Variants in SPAG17 observed in about 807,000 individuals in gnomAD.
The protein encoded by SPAG17 is sperm associated antigen 17.
In SPAG17, 169 loss-of-function variants were observed where a neutral mutation model predicts 273.6. The ratio of observed to expected loss-of-function variants is 0.62; its 90% CI spans 0.55 to 0.70. The LOEUF is 0.70. Among genes scored for constraint, SPAG17 ranks in the 30% least tolerant of loss-of-function variants. The pLI is 0.00. For missense variants in SPAG17, 2,557 were observed against 2,627.8 expected (o/e 0.97, Z 0.59); for synonymous variants, 825 against 873.2 (o/e 0.94, Z 0.97).
chr1:118,044,683 T>C (rs1400898583), intron 20 of SPAG17, among the ~76,000 whole-genome samples: 4 of 152,146 alleles, frequency 2.6e-5, no homozygotes, highest in East Asian at 1.9e-4. Context: ...TGGGAGGTGA[T>C]TGGATCATGG....
At position 118,025,421 on chromosome 1, in the gene SPAG17, A is replaced by C; in HGVS notation, c.3731-5T>G. The stretch of plus-strand genomic sequence containing the variant: ...CCTCATCTATAACATATTGACCTAA[A>C]AAAAGAATAAAGCCTTCTTGTGAAC... On this transcript the variant is annotated splice_region_variant and splice_polypyrimidine_tract_variant and intron_variant, in intron 26 of 48. Coordinates refer to ENST00000336338, the MANE Select transcript of SPAG17 (RefSeq NM_206996.4). The C allele has an allele frequency of 6.6e-7, 1 of 1,522,600 alleles. No homozygotes were observed. The highest frequency in any genetic ancestry group is 1.3e-5 in the South Asian group (1 of 75,924). 94.3% of individuals were successfully genotyped at this position (1,522,600 alleles called of 1,614,324 possible).
At chr1:118,165,856 G>C (rs1660149580) in intron 1 of SPAG17, among the ~76,000 whole-genome samples, 1 of 151,928 alleles carries the variant, frequency 6.6e-6, no homozygotes, top group African/African-American at 2.4e-5. Flanking sequence ...TGTTAGCCAG[G>C]ATGGTCTCAA....
intron 18 of SPAG17, among the ~76,000 whole-genome samples, chr1:118,065,305 C>T (rs1652838031): frequency 6.6e-6 from 1 of 151,964 alleles, no homozygotes; most frequent in Admixed American, 6.6e-5. Flanking sequence ...TGATAGAAGT[C>T]GTGTCAGTAA....
At chr1:118,009,345 G>A (rs1206203483) in intron 30 of SPAG17, among the ~76,000 whole-genome samples, 1 of 150,456 alleles carries the variant, frequency 6.6e-6, no homozygotes, top group Non-Finnish European at 1.5e-5. Context: ...CTATGTATAT[G>A]GATATCAAAA....
chr1:118,057,038 T>C (rs1651769915), intron 18 of SPAG17, among the ~76,000 whole-genome samples: 1 of 151,638 alleles, frequency 6.6e-6, no homozygotes. Flanking sequence ...GCAGTGGCGC[T>C]ACCACTTGGT....
intron 3 of SPAG17, among the ~76,000 whole-genome samples, chr1:118,135,385 G>T (rs1658287484): frequency 6.6e-6 from 1 of 150,500 alleles, no homozygotes; most frequent in Non-Finnish European, 1.5e-5. Context: ...GTGTGTGTGT[G>T]TGTGTGTGTG....
chr1:118,139,135 A>T (rs149267081), intron 3 of SPAG17, among the ~76,000 whole-genome samples: 263 of 152,324 alleles, frequency 1.7e-3, no homozygotes, highest in African/African-American at 4.8e-3. Context: ...AAATTTAAAA[A>T]AAATGGGCAA....
At chr1:118,115,544 C>T (rs914973880) in intron 3 of SPAG17, 103 bp from the exon 4 acceptor site, 7 of 1,195,872 alleles carry the variant, frequency 5.9e-6, no homozygotes, top group African/African-American at 1.6e-5. Flanking sequence ...ATTTGTCATA[C>T]TGGAAAGATA....
intron 42 of SPAG17, 68 bp from the exon 43 acceptor site, chr1:117,981,469 G>T: frequency 6.8e-7 from 1 of 1,475,250 alleles, no homozygotes; most frequent in Non-Finnish European, 9.1e-7. Flanking sequence ...ACTAATGTTT[G>T]CATGAACAAA....
At chr1:118,103,748 A>T (rs1234973776) in intron 4 of SPAG17, among the ~76,000 whole-genome samples, 8 of 152,290 alleles carry the variant, frequency 5.3e-5, no homozygotes, top group African/African-American at 1.7e-4. Flanking sequence ...GAACACTTTC[A>T]TAAGTAGGTG....
chr1:118,099,816 T>C lies in SPAG17; in HGVS notation c.635-16A>G. The C allele has an allele frequency of 6.2e-7, 1 of 1,606,572 alleles. No individual in the cohort carries two copies. Among genetic ancestry groups the C allele is most frequent in the Non-Finnish European group, 8.5e-7 (1 of 1,175,912 alleles). On this transcript the variant is annotated splice_polypyrimidine_tract_variant and intron_variant, in intron 5 of 48. Transcript: ENST00000336338. ...GGCTCATCGTCTGTTCAAAATACCATAAAGAAGAGCAGCCATCATTGTAAA... is the reference window on the plus strand; with the variant it reads ...GGCTCATCGTCTGTTCAAAATACCACAAAGAAGAGCAGCCATCATTGTAAA...
At chr1:118,004,826 G>C (rs1464193104) in intron 32 of SPAG17, among the ~76,000 whole-genome samples, 2 of 152,240 alleles carry the variant, frequency 1.3e-5, no homozygotes, top group African/African-American at 4.8e-5. Flanking sequence ...TGCACCCACT[G>C]TCCAACTGGT....
chr1:118,151,083 A>C, intron 2 of SPAG17, 146 bp downstream of exon 2: 1 of 642,434 alleles, frequency 1.6e-6, no homozygotes, highest in Non-Finnish European at 2.3e-6. Context: ...AACAACTCAA[A>C]TTTATTCTGG....
At chr1:118,184,279 T>A (rs1661078702) in intron 1 of SPAG17, among the ~76,000 whole-genome samples, 1 of 152,168 alleles carries the variant, frequency 6.6e-6, no homozygotes, top group African/African-American at 2.4e-5. Flanking sequence ...AGAAACAACT[T>A]TTCTCTTCCC....
intron 32 of SPAG17, among the ~76,000 whole-genome samples, chr1:118,003,079 T>C (rs1278744857): frequency 6.6e-6 from 1 of 152,220 alleles, no homozygotes; most frequent in Non-Finnish European, 1.5e-5. Flanking sequence ...TCTCCTTCAC[T>C]TATGAAGCTT....
chr1:117,984,018 C>T, intron 41 of SPAG17, 105 bp from the exon 42 acceptor site: 2 of 558,308 alleles, frequency 3.6e-6, no homozygotes, highest in Non-Finnish European at 6.3e-6. Context: ...TTTTAATGCC[C>T]TGAAAATAAA....
chr1:118,164,940 C>G (rs1332760995), intron 1 of SPAG17, among the ~76,000 whole-genome samples: 2 of 152,168 alleles, frequency 1.3e-5, no homozygotes, highest in African/African-American at 4.8e-5. Context: ...ATTTCAAACA[C>G]GTCCTGTGTT....
chr1:118,081,058 T>TAC (rs56768861), intron 15 of SPAG17, 43 bp downstream of exon 15: 87,119 of 1,205,734 alleles, frequency 0.072, 643 homozygotes, highest in Middle Eastern at 0.11. Flanking sequence ...AATAGTGTCT[T>TAC]ACACACACAC....
At chr1:118,129,627 TCTC>T (rs138114889) in intron 3 of SPAG17, among the ~76,000 whole-genome samples, 2 of 152,090 alleles carry the variant, frequency 1.3e-5, no homozygotes, top group Non-Finnish European at 2.9e-5. Context: ...TTAATTTCTT[TCTC>T]CTCCTCCTCC....
Sources: allele counts gnomAD v4.1 joint callset (sites outside exome capture counted in the v4.1 genomes callset), GRCh38; gene constraint gnomAD v4.1.1; transcripts MANE v1.5; gene names NCBI Gene and HGNC (gene_info 2026-07-23, HGNC 2026-07-21).